Variants in NEBL observed in about 807,000 individuals in gnomAD.
The protein encoded by NEBL is LIM and SH3 protein 2.
A neutral mutation model predicts 140.2 loss-of-function variants in NEBL; 122 were observed. That is an observed-to-expected ratio of 0.87 (90% CI 0.75 to 1.01). NEBL has a LOEUF of 1.01. Among genes scored for constraint, NEBL ranks in the 50% least tolerant of loss-of-function variants. The pLI is 0.00. For missense variants in NEBL, 1,365 were observed against 1,231.3 expected, an observed-to-expected ratio of 1.11 and a Z score of -1.62; for synonymous variants, 436 against 398.9, an observed-to-expected ratio of 1.09 and a Z score of -1.11.
intron 2 of NEBL, among the ~76,000 whole-genome samples, chr10:21,095,986 G>C (rs1468687885): frequency 1.3e-5 from 2 of 152,140 alleles, no homozygotes; most frequent in African/African-American, 4.8e-5. Flanking sequence ...AGTTAGACCA[G>C]ATTATCCTCT....
At chr10:20,820,329 C>T (rs927555694) in intron 19 of NEBL, among the ~76,000 whole-genome samples, 7 of 152,184 alleles carry the variant, frequency 4.6e-5, no homozygotes, top group African/African-American at 1.7e-4. Flanking sequence ...AATTCCACAA[C>T]ACCTCCCAAA....
intron 2 of NEBL, among the ~76,000 whole-genome samples, chr10:21,037,291 A>G (rs1238079612): frequency 6.6e-6 from 1 of 152,122 alleles, no homozygotes; most frequent in Non-Finnish European, 1.5e-5. Flanking sequence ...AGAGGGAGAG[A>G]GCGAGCACAA....
At chr10:21,238,730 A>G (rs1261203899) in intron 3 of NEBL, among the ~76,000 whole-genome samples, 1 of 148,646 alleles carries the variant, frequency 6.7e-6, no homozygotes, top group Non-Finnish European at 1.5e-5. Flanking sequence ...AAAAAAAAAA[A>G]AAAAAAAAAA....
chr10:20,819,191 A>G, intron 20 of NEBL: 3 of 873,308 alleles, frequency 3.4e-6, no homozygotes, highest in Non-Finnish European at 4.9e-6. Context: ...CTCAACAGTT[A>G]CTTTTCCGGA....
rs149155361 is a variant in NEBL at position 21,034,416 on chromosome 10, A to G, written c.165-14215T>C. Among the ~76,000 whole-genome samples, 574 of 152,216 alleles carry G rather than the reference A, an allele frequency of 3.8e-3. 4 individuals carry two copies. The highest frequency in any genetic ancestry group is 0.013 in the African/African-American group (548 of 41,514). The stretch of plus-strand genomic sequence containing the variant: ...GCTCAGAGCAGACATTACTAATCAC[A>G]CCACTCTCAGCAGAGTCCAGAAAAG... On this transcript the variant is annotated intron_variant, in intron 2 of 6. Transcript: ENST00000417816.
rs1188529542 is a variant in NEBL, at chr10:20,785,190, T to C, written c.*557A>G. 6.2e-6 allele frequency: 1 copy of C among 161,154 alleles called. No homozygotes were observed. The highest frequency in any genetic ancestry group is 2.4e-5 in the African/African-American group (1 of 41,486). The allele number at this position is 161,154 out of a possible 1,614,324, so 10.0% of individuals were successfully genotyped here. Reference sequence around the variant, plus strand: ...CTAGGGAACAAGGAAATTTCTCTGTTTAGTAGAAGTTTCTAGATCCCTAAG... The same window carrying C: ...CTAGGGAACAAGGAAATTTCTCTGTCTAGTAGAAGTTTCTAGATCCCTAAG... On this transcript the variant is annotated 3_prime_UTR_variant, in exon 28 of 28. Coordinates refer to ENST00000377122, the MANE Select transcript of NEBL (RefSeq NM_006393.3).
At chr10:21,051,211 C>T (rs947326185) in intron 2 of NEBL, among the ~76,000 whole-genome samples, 14 of 152,092 alleles carry the variant, frequency 9.2e-5, no homozygotes, top group Admixed American at 1.3e-4. Flanking sequence ...CAGAGCTTTG[C>T]GAGGATTTAT....
At position 20,815,565 on chromosome 10, in the gene NEBL, G is replaced by A. The variant is rs185965176; in HGVS notation, c.2241+60C>T. 2,780 of 1,283,306 alleles carry A rather than the reference G, an allele frequency of 2.2e-3. 7 individuals carry two copies. Among genetic ancestry groups the A allele is most frequent in the Non-Finnish European group, 2.9e-3 (2,582 of 881,006 alleles). The allele number at this position is 1,283,306 out of a possible 1,614,324, so 79.5% of individuals were successfully genotyped here. A position where few individuals can be genotyped will look rare whatever the true frequency, so the allele number is the denominator to read the frequency against. ...TTATTTTCACAAGCAAAGGAGGACC[G>A]CAAGTAAATAATAAAAGACACATCC... On this transcript the variant is annotated intron_variant, in intron 22 of 27. Coordinates refer to ENST00000377122, the MANE Select transcript of NEBL (RefSeq NM_006393.3).
intron 3 of NEBL, among the ~76,000 whole-genome samples, chr10:21,202,123 T>C (rs568677897): frequency 9.2e-5 from 14 of 152,138 alleles, no homozygotes; most frequent in Admixed American, 2.6e-4. Context: ...GCAGGTCATA[T>C]TGAGAGAATA....
chr10:20,852,119 C>T (rs1842603351), intron 10 of NEBL, among the ~76,000 whole-genome samples: 1 of 151,918 alleles, frequency 6.6e-6, no homozygotes, highest in East Asian at 1.9e-4. Flanking sequence ...ATCAAGAATA[C>T]ATTAGTCATA....
rs1351986673 is a variant in NEBL at position 21,082,472 on chromosome 10, T to TA, written c.165-62272dup. On this transcript the variant is annotated intron_variant, in intron 2 of 6. Coordinates refer to the NEBL transcript ENST00000417816. ...ACTTACTTTCAAGTGATTTCAGGAATAAAAATGTTCTTTGTAGTGTACTGA... is the reference window on the plus strand; with the variant it reads ...ACTTACTTTCAAGTGATTTCAGGAATAAAAAATGTTCTTTGTAGTGTACTGA... Among the ~76,000 whole-genome samples the TA allele has an allele frequency of 6.2e-5, 9 of 145,986 alleles. No individual in the cohort carries two copies. In the East Asian group the frequency reaches 1.4e-3, roughly 23 times the overall value.
At chr10:20,819,346 T>C in intron 20 of NEBL, 78 bp downstream of exon 20, 1 of 1,604,890 alleles carries the variant, frequency 6.2e-7, no homozygotes, top group South Asian at 1.1e-5. Flanking sequence ...CTAAGGATAA[T>C]GGCCTTCCAA....
At chr10:21,217,379 C>G (rs1386512786) in intron 3 of NEBL, among the ~76,000 whole-genome samples, 6 of 152,194 alleles carry the variant, frequency 3.9e-5, no homozygotes, top group African/African-American at 1.4e-4. Context: ...CTGCTTCTCA[C>G]AGGGGAAACT....
chr10:20,935,980 T>C (rs1834462243), intron 4 of NEBL, among the ~76,000 whole-genome samples: 1 of 152,166 alleles, frequency 6.6e-6, no homozygotes, highest in African/African-American at 2.4e-5. Flanking sequence ...ATAACGTGCC[T>C]TCTAAAAAAT....
At chr10:20,968,562 T>A (rs1836432593) in intron 3 of NEBL, among the ~76,000 whole-genome samples, 1 of 151,994 alleles carries the variant, frequency 6.6e-6, no homozygotes, top group South Asian at 2.1e-4. Context: ...ATCATAGAAG[T>A]TCAAGGGGAT....
At chr10:21,109,371 C>T (rs1837867696) in intron 2 of NEBL, among the ~76,000 whole-genome samples, 1 of 152,116 alleles carries the variant, frequency 6.6e-6, no homozygotes, top group South Asian at 2.1e-4. Flanking sequence ...GGCGGATAAG[C>T]TTTTTGATGT....
At chr10:20,986,862 G>T (rs1837276098) in intron 3 of NEBL, among the ~76,000 whole-genome samples, 1 of 152,138 alleles carries the variant, frequency 6.6e-6, no homozygotes, top group Non-Finnish European at 1.5e-5. Flanking sequence ...CCAAGCATCT[G>T]CTTTATATTC....
At chr10:20,951,586 T>C (rs1405631685) in intron 4 of NEBL, among the ~76,000 whole-genome samples, 1 of 152,138 alleles carries the variant, frequency 6.6e-6, no homozygotes, top group Non-Finnish European at 1.5e-5. Flanking sequence ...CTATACAATG[T>C]CTCCCTTGAC....
At chr10:20,831,172 T>C (rs1317913207) in intron 16 of NEBL, 24 bp downstream of exon 16, 1 of 1,488,924 alleles carries the variant, frequency 6.7e-7, no homozygotes, top group Non-Finnish European at 9.4e-7. Context: ...TACACGATTC[T>C]GAGCATCTTC....
Sources: gnomAD v4.1 joint callset for allele counts (sites outside exome capture counted in the v4.1 genomes callset) on GRCh38, gnomAD v4.1.1 for gene constraint, MANE v1.5 for transcripts, NCBI Gene and HGNC (gene_info 2026-07-23, HGNC 2026-07-21) for gene names.